BEND3: variants seen among roughly 807,000 people sequenced by gnomAD.
The protein encoded by BEND3 is BEN domain-containing protein 3.
Under a neutral mutation model 60.1 loss-of-function variants are expected in BEND3, and 13 were observed. That is an observed-to-expected ratio of 0.22 (90% CI 0.14 to 0.34). The LOEUF is 0.34. Among genes scored for constraint, BEND3 ranks in the 10% least tolerant of loss-of-function variants. The probability of loss-of-function intolerance (pLI) is 1.00; values close to 1 mark genes in which losing one functional copy is unlikely to be tolerated. For missense variants in BEND3, 896 were observed against 1,138.1 expected (o/e 0.79, Z 3.06); for synonymous variants, 497 against 491.5 (o/e 1.01, Z -0.15).
chr6:107,069,583 G>C lies in BEND3; in HGVS notation c.1608C>G (p.Phe536Leu). 1 of 1,612,810 alleles carries C rather than the reference G, an allele frequency of 6.2e-7. No homozygotes were observed. Among genetic ancestry groups the C allele is most frequent in the Non-Finnish European group, 8.5e-7 (1 of 1,180,024 alleles). The stretch of plus-strand genomic sequence containing the variant: ...CAGGCTGGGGGATCTCTAACTTGTC[G>C]AAGTCGATGGGCACCAGCCAGATCT... ...SKKIWLVPID[F>L]DKLEIPQPDF... Residue 536 changes from phenylalanine to leucine, a missense_variant, in exon 4 of 4, where the codon TTC becomes TTG. Around this residue, in one of 4 missense-constraint regions of BEND3, gnomAD observed 846 missense variants for 1,036.7 expected, o/e 0.82. Coordinates refer to ENST00000369042, the MANE Select transcript of BEND3 (RefSeq NM_001367314.1).
chr6:107,078,969 C>T (rs1554233143), intron 3 of BEND3, among the ~76,000 whole-genome samples: 1 of 152,074 alleles, frequency 6.6e-6, no homozygotes, highest in African/African-American at 2.4e-5. Context: ...ACCACCCTGG[C>T]CTGCCACGCC....
chr6:107,079,007 T>C (rs1248118427), intron 3 of BEND3, among the ~76,000 whole-genome samples: 2 of 151,464 alleles, frequency 1.3e-5, no homozygotes, highest in Non-Finnish European at 2.9e-5. Context: ...CCTATAGAAA[T>C]CCCCGAGACC....
chr6:107,069,154 CCT>C lies in BEND3; in HGVS notation c.2035_2036del (p.Arg679ValfsTer6). ...GGGGCCCCTCAAACTCCTCCCGGAA[CCT>C]CTCGGGGTTGATTGCATAGCTGGTC... ...DLTSYAINPE[R>X]FREEFEGPPL... On this transcript the variant is annotated frameshift_variant, in exon 4 of 4. Coordinates refer to ENST00000369042, the MANE Select transcript of BEND3 (RefSeq NM_001367314.1). LOFTEE classifies it high-confidence loss of function. The C allele has an allele frequency of 6.2e-7, 1 of 1,612,668 alleles. No homozygotes were observed. The highest frequency in any genetic ancestry group is 8.5e-7 in the Non-Finnish European group (1 of 1,180,018).
At position 107,069,567 on chromosome 6, in the gene BEND3, G is replaced by C. The variant is rs201703147; in HGVS notation, c.1624C>G (p.Pro542Ala). 6.2e-7 allele frequency: 1 copy of C among 1,613,124 alleles called. No individual in the cohort carries two copies. The highest frequency in any genetic ancestry group is 1.7e-5 in the Admixed American group (1 of 60,024). The change falls in exon 4 of 4, where the codon CCC becomes GCC. Residue 542 changes from proline (P) to alanine (A), a missense_variant. This residue lies in a region of BEND3 where 846 missense variants were observed against 1,036.7 expected (regional missense o/e 0.82). Transcript: ENST00000369042. ...CCGGGCACCTCGAAGTCAGGCTGGG[G>C]GATCTCTAACTTGTCGAAGTCGATG... is the stretch of plus-strand genomic sequence containing the variant. ...VPIDFDKLEI[P>A]QPDFEVPGAD... is the part of the protein sequence containing the mutation.
chr6:107,072,051 G>T (rs1441418305), intron 3 of BEND3, among the ~76,000 whole-genome samples: 2 of 152,184 alleles, frequency 1.3e-5, no homozygotes, highest in Non-Finnish European at 2.9e-5. Flanking sequence ...TTTGACAAAT[G>T]TTGAATTCGA....
Position 107,068,974 on chromosome 6 carries a change from A to G in BEND3, c.2217T>C (p.Phe739=). The G allele has an allele frequency of 6.2e-7, 1 of 1,613,778 alleles. No individual in the cohort carries two copies. Among genetic ancestry groups the G allele is most frequent in the East Asian group, 2.2e-5 (1 of 44,842 alleles). The change falls in exon 4 of 4, where the codon TTT becomes TTC. Residue 739 remains phenylalanine, a synonymous_variant. Coordinates refer to ENST00000369042, the MANE Select transcript of BEND3 (RefSeq NM_001367314.1). This position sits in a 1 kb window ranked among gnomAD's most constrained non-coding sequence, Gnocchi z 5.8. Reference sequence around the variant, plus strand: ...ACAGGCGGACGAGGAGCCGGGCGGCAAAGTTGCCCACGGAGAGGCTCTGCT... The same window carrying G: ...ACAGGCGGACGAGGAGCCGGGCGGCGAAGTTGCCCACGGAGAGGCTCTGCT... The part of the protein sequence containing the change: ...IVQQSLSVGN[F]AARLLVRLFP...
chr6:107,102,388 C>T (rs1775720350), intron 1 of BEND3, among the ~76,000 whole-genome samples: 1 of 152,076 alleles, frequency 6.6e-6, no homozygotes, highest in Non-Finnish European at 1.5e-5. Context: ...ACCATGTGAC[C>T]CTACAGCAGG....
At chr6:107,095,538 C>T (rs140402632) in intron 3 of BEND3, among the ~76,000 whole-genome samples, 43 of 152,224 alleles carry the variant, frequency 2.8e-4, no homozygotes, top group African/African-American at 8.9e-4. Flanking sequence ...TCACACTCCT[C>T]GGTGTTTATC....
chr6:107,106,897 C>T (rs1775826831), intron 1 of BEND3, among the ~76,000 whole-genome samples: 1 of 150,336 alleles, frequency 6.7e-6, no homozygotes, highest in African/African-American at 2.5e-5. Context: ...TGCAAGCCAC[C>T]ACACCTGACC....
chr6:107,094,306 T>G (rs555744673), intron 3 of BEND3, among the ~76,000 whole-genome samples: 3 of 152,010 alleles, frequency 2.0e-5, no homozygotes, highest in African/African-American at 7.2e-5. Flanking sequence ...CTCCACATCA[T>G]ATGTTGTCAG....
intron 3 of BEND3, among the ~76,000 whole-genome samples, chr6:107,094,546 A>G (rs944734533): frequency 2.5e-4 from 38 of 151,970 alleles, no homozygotes; most frequent in African/African-American, 8.7e-4. Flanking sequence ...GCTTGAACCC[A>G]GCAGGCAGAG....
intron 3 of BEND3, among the ~76,000 whole-genome samples, chr6:107,094,882 A>G (rs1336683010): frequency 7.1e-6 from 1 of 141,202 alleles, no homozygotes; most frequent in African/African-American, 2.6e-5. Context: ...GTGCAGTGAC[A>G]CAACCATGGT....
Position 107,098,707 on chromosome 6 carries a change from A to G in BEND3, c.84T>C (p.Ala28=). ...TGGAATTCACGGAGCAGTCCAGAGC[A>G]GCATCTTCAGCCTCTGTCTCCACTT... The part of the protein sequence containing the change: ...TVKVETEAED[A]ALDCSVNSRT... The change falls in exon 3 of 4, where the codon GCT becomes GCC. Residue 28 remains alanine, a synonymous_variant. Coordinates refer to ENST00000369042, the MANE Select transcript of BEND3 (RefSeq NM_001367314.1). The G allele has an allele frequency of 1.2e-6, 2 of 1,614,144 alleles. No individual in the cohort carries two copies. Among genetic ancestry groups the G allele is most frequent in the Non-Finnish European group, 1.7e-6 (2 of 1,180,032 alleles).
chr6:107,074,252 C>T (rs1389987420), intron 3 of BEND3, among the ~76,000 whole-genome samples: 3 of 152,110 alleles, frequency 2.0e-5, no homozygotes, highest in Non-Finnish European at 4.4e-5. Context: ...CCCATCTCTA[C>T]TAAAAATACA....
Position 107,108,572 on chromosome 6 carries a change from G to C in BEND3, c.-12+6518C>G, listed in dbSNP as rs536558270. ...ACCACACAAGCTGATTAGGGTTCGG[G>C]GCAGTTGGGTGTATACTGCACCCCC... is the stretch of plus-strand genomic sequence containing the variant. On this transcript the variant is annotated intron_variant, in intron 1 of 3. Coordinates refer to ENST00000369042, the MANE Select transcript of BEND3 (RefSeq NM_001367314.1). 2.0e-5 allele frequency among the ~76,000 whole-genome samples: 3 copies of C among 152,224 alleles called. No individual in the cohort carries two copies. In the East Asian group the frequency reaches 5.8e-4, roughly 29 times the overall value.
At position 107,068,581 on chromosome 6, in the gene BEND3, C is replaced by T. The variant is rs782004159; in HGVS notation, c.*123G>A. 8.5e-5 allele frequency: 92 copies of T among 1,088,572 alleles called. No individual in the cohort carries two copies. Among genetic ancestry groups the T allele is most frequent in the Non-Finnish European group, 1.1e-4 (88 of 770,564 alleles). 67.4% of individuals were successfully genotyped at this position (1,088,572 alleles called of 1,614,324 possible). A position where few individuals can be genotyped will look rare whatever the true frequency, so the allele number is the denominator to read the frequency against. ...ACGTGTGCAAATGTAGTAAGCCACT[C>T]CCCACGGACATAAGGTGCCTGTCTG... On this transcript the variant is annotated 3_prime_UTR_variant, in exon 4 of 4. Transcript: ENST00000369042. This position sits in a 1 kb window ranked among gnomAD's most constrained non-coding sequence, Gnocchi z 5.8.
chr6:107,070,839 G>A lies in BEND3; in HGVS notation c.352C>T (p.Pro118Ser). 1 of 1,613,930 alleles carries A rather than the reference G, an allele frequency of 6.2e-7. No homozygotes were observed. Among genetic ancestry groups the A allele is most frequent in the Non-Finnish European group, 8.5e-7 (1 of 1,180,020 alleles). Residue 118 changes from proline (P) to serine (S), a missense_variant, in exon 4 of 4, where the codon CCC becomes TCC. Coordinates refer to ENST00000369042, the MANE Select transcript of BEND3 (RefSeq NM_001367314.1). The surrounding 1 kb of genome is among the most constrained non-coding windows in gnomAD (Gnocchi z 6.9). ...LGNVWPGEEE[P>S]CNDATTPSYK... ...GAAGGGGTGGTGGCATCGTTGCAGG[G>A]CTCCTCCTCTCCAGGCCACACATTG... is the stretch of plus-strand genomic sequence containing the variant.
At chr6:107,111,575 A>G (rs1554238413) in intron 1 of BEND3, among the ~76,000 whole-genome samples, 1 of 152,114 alleles carries the variant, frequency 6.6e-6, no homozygotes, top group African/African-American at 2.4e-5. Context: ...AAGATACAGA[A>G]TAGGTTTCCC....
chr6:107,113,044 G>C (rs1180124797), intron 1 of BEND3, among the ~76,000 whole-genome samples: 2 of 152,066 alleles, frequency 1.3e-5, no homozygotes, highest in Admixed American at 6.6e-5. Context: ...TGTAGTCCCA[G>C]CTACTCGGGA....
Sources: allele counts gnomAD v4.1 joint callset (sites outside exome capture counted in the v4.1 genomes callset), GRCh38; gene constraint gnomAD v4.1.1; regional missense constraint gnomAD v4.1.1; non-coding constraint Gnocchi (gnomAD v3.1); transcripts MANE v1.5; gene names NCBI Gene and HGNC (gene_info 2026-07-23, HGNC 2026-07-21).